Variants in ESR1 observed in about 807,000 individuals in gnomAD.
ESR1 encodes the protein estrogen receptor 1.
A neutral mutation model predicts 52.7 loss-of-function variants in ESR1; 12 were observed. The observed-to-expected ratio is 0.23, with a 90% CI of 0.15 to 0.37. ESR1 has a LOEUF of 0.37. ESR1 is among the 10% of genes least tolerant of loss of function. ESR1 has a pLI of 1.00. For missense variants in ESR1, 584 were observed against 779.7 expected (o/e 0.75, Z 2.99); for synonymous variants, 305 against 316.8 (o/e 0.96, Z 0.39).
At chr6:152,036,346 C>T (rs3020431) in intron 5 of ESR1, among the ~76,000 whole-genome samples, 66,908 of 152,010 alleles carry the variant, frequency 0.44, 16,685 homozygotes, top group African/African-American at 0.67. Flanking sequence ...GGCAACAGTG[C>T]GAGACTCCAT....
intron 2 of ESR1, among the ~76,000 whole-genome samples, chr6:151,765,409 T>A (rs1784971720): frequency 1.3e-5 from 2 of 152,212 alleles, no homozygotes; most frequent in Non-Finnish European, 2.9e-5. Context: ...TATTCCTCAG[T>A]CACGCTGGCT....
intron 6 of ESR1, among the ~76,000 whole-genome samples, chr6:152,091,631 A>C (rs1013361717): frequency 6.6e-6 from 1 of 152,116 alleles, no homozygotes; most frequent in Non-Finnish European, 1.5e-5. Flanking sequence ...AGCCCAAGAA[A>C]AAAGTCACTC....
intron 2 of ESR1, among the ~76,000 whole-genome samples, chr6:151,732,487 A>G (rs1005941799): frequency 6.6e-6 from 1 of 151,966 alleles, no homozygotes; most frequent in African/African-American, 2.4e-5. Flanking sequence ...GAAAGGATTT[A>G]CGTGTCGGTA....
intron 3 of ESR1, among the ~76,000 whole-genome samples, chr6:151,898,146 TA>T (rs1318828229): frequency 6.6e-6 from 1 of 152,214 alleles, no homozygotes; most frequent in Non-Finnish European, 1.5e-5. Flanking sequence ...ATCTTAACTT[TA>T]GATAACCTTA....
Position 151,669,147 on chromosome 6 carries a change from GGAGAGAGAGAGA to G in ESR1, n.73+12415_73+12426del, listed in dbSNP as rs541895194. Among the ~76,000 whole-genome samples, 64 of 69,296 alleles carry G rather than the reference GGAGAGAGAGAGA, an allele frequency of 9.2e-4. 1 individual carries two copies. The highest frequency in any genetic ancestry group is 2.9e-3 in the African/African-American group (35 of 11,970). 45.5% of individuals were successfully genotyped at this position (69,296 alleles called of 152,430 possible). On this transcript the variant is annotated intron_variant and non_coding_transcript_variant, in intron 1 of 2. Coordinates refer to the ESR1 transcript ENST00000473497. ...GTGGTAGGAAGCTCTTTGGGAGCTG[GGAGAGAGAGAGA>G]GAGAGAGAGAGAGAGAGAGAGAGAG...
At chr6:151,908,141 A>T (rs1418058499) in intron 3 of ESR1, among the ~76,000 whole-genome samples, 12 of 152,148 alleles carry the variant, frequency 7.9e-5, no homozygotes, top group Admixed American at 5.9e-4. Flanking sequence ...TGAATCGTTT[A>T]TGAATAAAAT....
chr6:151,758,548 G>A (rs910504705), intron 2 of ESR1, among the ~76,000 whole-genome samples: 4 of 151,502 alleles, frequency 2.6e-5, no homozygotes, highest in African/African-American at 9.7e-5. Flanking sequence ...ATCACCTGAG[G>A]TCAGGAGTTC....
At chr6:151,998,159 GT>G (rs2041655661) in intron 4 of ESR1, among the ~76,000 whole-genome samples, 1 of 152,034 alleles carries the variant, frequency 6.6e-6, no homozygotes, top group African/African-American at 2.4e-5. Context: ...TAGATTTTCT[GT>G]GTAGCTAGGA....
chr6:151,782,395 A>T (rs767187445), intron 2 of ESR1, among the ~76,000 whole-genome samples: 1 of 152,234 alleles, frequency 6.6e-6, no homozygotes. Context: ...GAATAGTATT[A>T]TAATTCAATG....
chr6:151,894,587 T>C (rs11155821), intron 3 of ESR1, among the ~76,000 whole-genome samples: 79,380 of 152,008 alleles, frequency 0.52, 22,790 homozygotes, highest in Middle Eastern at 0.74. Context: ...GAAGATCCAG[T>C]TGCATTCTCC....
rs539053110 is a variant in ESR1, at chr6:151,728,865, C to T, written c.-71+26860C>T. On this transcript the variant is annotated intron_variant, in intron 2 of 2. Coordinates refer to the ESR1 transcript ENST00000404742. ...TTTAATGGACATAGATTAGTGTGAA[C>T]CACATAAACCAGTACTAAAATACAG... Among the ~76,000 whole-genome samples the T allele has an allele frequency of 3.3e-5, 5 of 152,252 alleles. No homozygotes were observed. In the South Asian group the frequency reaches 1.0e-3, roughly 32 times the overall value.
At chr6:152,122,632 G>C in intron 6 of ESR1, 1 of 1,614,120 alleles carries the variant, frequency 6.2e-7, no homozygotes, top group East Asian at 2.2e-5. Context: ...GGACCGACCT[G>C]GCCCTGGCTC....
At chr6:151,678,537 G>A in intron 1 of ESR1, among the ~76,000 whole-genome samples, 1 of 152,036 alleles carries the variant, frequency 6.6e-6, no homozygotes, top group East Asian at 1.9e-4. Context: ...GTGGGTGTGG[G>A]TTCGGCATGG....
At chr6:151,808,787 C>T (rs544601660) in intron 1 of ESR1, among the ~76,000 whole-genome samples, 1 of 152,310 alleles carries the variant, frequency 6.6e-6, no homozygotes, top group South Asian at 2.1e-4. Context: ...TTGGAGTTAG[C>T]AGAGCTCAGC....
At chr6:151,706,895 G>C (rs1780224180) in intron 2 of ESR1, among the ~76,000 whole-genome samples, 1 of 152,206 alleles carries the variant, frequency 6.6e-6, no homozygotes, top group Non-Finnish European at 1.5e-5. Context: ...GCCTCTCTGA[G>C]AGCTGCCTAC....
chr6:151,829,509 A>C (rs1391859411), intron 1 of ESR1, among the ~76,000 whole-genome samples: 1 of 152,194 alleles, frequency 6.6e-6, no homozygotes, highest in African/African-American at 2.4e-5. Flanking sequence ...GCCATTTGTC[A>C]TCATTACACG....
At chr6:151,690,748 G>A (rs925889220) in intron 1 of ESR1, 1 of 152,108 alleles carries the variant, frequency 6.6e-6, no homozygotes, top group South Asian at 2.1e-4. Flanking sequence ...TAACTTCAGA[G>A]CTTACCTCTC....
Position 152,102,766 on chromosome 6 carries a change from A to G in ESR1, c.*3800A>G. On this transcript the variant is annotated 3_prime_UTR_variant, in exon 8 of 8. Transcript: ENST00000206249. ...CTTTTGAGATTCAAGAAAAATTTCT[A>G]TTCTTTTTTTTGCATCCAATTGTGC... 4.5e-6 allele frequency: 1 copy of G among 220,326 alleles called. No individual in the cohort carries two copies. The allele number at this position is 220,326 out of a possible 1,614,324, so 13.6% of individuals were successfully genotyped here.
chr6:152,045,974 T>A (rs1475904446), intron 5 of ESR1, among the ~76,000 whole-genome samples: 1 of 152,192 alleles, frequency 6.6e-6, no homozygotes, highest in East Asian at 1.9e-4. Context: ...ATTTTAGAAC[T>A]GGAATAACAC....
Sources: gnomAD v4.1 joint callset for allele counts (sites outside exome capture counted in the v4.1 genomes callset) on GRCh38, gnomAD v4.1.1 for gene constraint, MANE v1.5 for transcripts, NCBI Gene and HGNC (gene_info 2026-07-23, HGNC 2026-07-21) for gene names.